CAMK4: variants seen among roughly 807,000 people sequenced by gnomAD.
CAMK4 encodes the protein calcium/calmodulin-dependent protein kinase type IV.
In CAMK4, 22 loss-of-function variants were observed where a neutral mutation model predicts 44.9. The ratio of observed to expected loss-of-function variants is 0.49; its 90% CI spans 0.35 to 0.70. The LOEUF is 0.70. Among genes scored for constraint, CAMK4 ranks in the 30% least tolerant of loss-of-function variants. CAMK4 has a pLI of 0.01. For synonymous variants in CAMK4, 218 were observed against 215.4 expected, an observed-to-expected ratio of 1.01 and a Z score of -0.11; for missense variants, 498 against 586.8, an observed-to-expected ratio of 0.85 and a Z score of 1.56.
intron 8 of CAMK4, among the ~76,000 whole-genome samples, chr5:111,475,971 A>T (rs1755221818): frequency 6.6e-6 from 1 of 152,194 alleles, no homozygotes; most frequent in Admixed American, 6.5e-5. Context: ...AGAACTAAAG[A>T]TCCATTTTGT....
At chr5:111,345,495 G>A (rs955338498) in intron 2 of CAMK4, among the ~76,000 whole-genome samples, 3 of 151,814 alleles carry the variant, frequency 2.0e-5, no homozygotes, top group African/African-American at 7.3e-5. Flanking sequence ...AAAATAAAAC[G>A]GCATATTTTA....
intron 1 of CAMK4, among the ~76,000 whole-genome samples, chr5:111,299,104 TGCCCTCGGCCTAG>T (rs1418125383): frequency 1.3e-5 from 2 of 152,224 alleles, no homozygotes; most frequent in African/African-American, 4.8e-5. Flanking sequence ...ACCTGGAAGA[TGCCCTCGGCCTAG>T]GAGGTGGAGT....
intron 5 of CAMK4, among the ~76,000 whole-genome samples, chr5:111,422,949 A>C (rs751027041): frequency 4.6e-5 from 7 of 152,082 alleles, no homozygotes; most frequent in Non-Finnish European, 8.8e-5. Context: ...ATTCATCTCT[A>C]TCTGTCATTC....
chr5:111,343,371 T>C (rs920195753), intron 1 of CAMK4, among the ~76,000 whole-genome samples: 2 of 151,782 alleles, frequency 1.3e-5, no homozygotes, highest in Non-Finnish European at 2.9e-5. Context: ...GTTTGGTCTA[T>C]ATTTCTCTTT....
At chr5:111,393,443 A>G (rs1297805504) in intron 4 of CAMK4, among the ~76,000 whole-genome samples, 1 of 152,072 alleles carries the variant, frequency 6.6e-6, no homozygotes, top group Non-Finnish European at 1.5e-5. Context: ...GTCTTTGGAG[A>G]TATTTCTCTG....
chr5:111,239,642 C>A (rs529504215), intron 1 of CAMK4, among the ~76,000 whole-genome samples: 10 of 152,272 alleles, frequency 6.6e-5, no homozygotes, highest in Non-Finnish European at 1.3e-4. Flanking sequence ...TTTCATTGAG[C>A]CTCAGCTTCT....
intron 1 of CAMK4, among the ~76,000 whole-genome samples, chr5:111,272,008 C>T (rs1270839026): frequency 6.6e-6 from 1 of 152,004 alleles, no homozygotes; most frequent in Non-Finnish European, 1.5e-5. Flanking sequence ...ATCTCCCAAC[C>T]CACCAACCCT....
Position 111,451,060 on chromosome 5 carries a change from T to C in CAMK4, c.625+1857T>C, listed in dbSNP as rs549528717. Among the ~76,000 whole-genome samples the C allele has an allele frequency of 7.9e-5, 12 of 152,310 alleles. No homozygotes were observed. The South Asian group carries it at 1.2e-3, about 16-fold the overall frequency. On this transcript the variant is annotated intron_variant, in intron 7 of 10. Transcript: ENST00000282356. The stretch of plus-strand genomic sequence containing the variant: ...GATAATATATTCATTGAAGCATATA[T>C]GTGATTAAATCCATAGAATTTTAGT...
At chr5:111,435,970 CCA>C (rs1191811164) in intron 5 of CAMK4, among the ~76,000 whole-genome samples, 5 of 152,082 alleles carry the variant, frequency 3.3e-5, no homozygotes, top group African/African-American at 1.2e-4. Flanking sequence ...ATAAATTGTT[CCA>C]GTTTTCTTTA....
chr5:111,315,170 A>G (rs78421315), intron 1 of CAMK4, among the ~76,000 whole-genome samples: 2,492 of 152,236 alleles, frequency 0.016, 66 homozygotes, highest in African/African-American at 0.057. Flanking sequence ...GAAGAAAAGT[A>G]TTAATGAAAA....
At chr5:111,273,697 A>ATATATT (rs1561377833) in intron 1 of CAMK4, among the ~76,000 whole-genome samples, 2 of 51,872 alleles carry the variant, frequency 3.9e-5, no homozygotes, top group Admixed American at 2.3e-4. Context: ...ATATATATAT[A>ATATATT]TATATATATA....
chr5:111,437,261 A>T (rs1363532445), intron 5 of CAMK4, among the ~76,000 whole-genome samples: 1 of 152,248 alleles, frequency 6.6e-6, no homozygotes, highest in Non-Finnish European at 1.5e-5. Context: ...CTATTTTAAT[A>T]TTTTAACTTC....
chr5:111,425,791 G>T (rs1753204661), intron 5 of CAMK4, among the ~76,000 whole-genome samples: 1 of 152,074 alleles, frequency 6.6e-6, no homozygotes, highest in South Asian at 2.1e-4. Context: ...AATGTATTAA[G>T]ATGCATTTAA....
At chr5:111,469,804 A>G (rs1304169885) in intron 7 of CAMK4, among the ~76,000 whole-genome samples, 1 of 152,214 alleles carries the variant, frequency 6.6e-6, no homozygotes, top group Non-Finnish European at 1.5e-5. Flanking sequence ...AATGATCAGT[A>G]ACACATCCTT....
chr5:111,405,471 C>T (rs1374262236), intron 5 of CAMK4, among the ~76,000 whole-genome samples: 1 of 150,826 alleles, frequency 6.6e-6, no homozygotes, highest in Admixed American at 6.6e-5. Context: ...CGTCTCAAAA[C>T]AAAACAAAAC....
intron 1 of CAMK4, among the ~76,000 whole-genome samples, chr5:111,263,628 C>T (rs1383197506): frequency 6.6e-6 from 1 of 152,160 alleles, no homozygotes; most frequent in African/African-American, 2.4e-5. Flanking sequence ...TGCTATAATC[C>T]ATTTTTAATA....
chr5:111,263,222 T>C (rs1750071826), intron 1 of CAMK4, among the ~76,000 whole-genome samples: 1 of 152,240 alleles, frequency 6.6e-6, no homozygotes, highest in African/African-American at 2.4e-5. Flanking sequence ...ATACCTATTA[T>C]GTGAAATATA....
intron 1 of CAMK4, among the ~76,000 whole-genome samples, chr5:111,227,316 T>G (rs1296938670): frequency 2.0e-5 from 3 of 152,228 alleles, no homozygotes; most frequent in Non-Finnish European, 2.9e-5. Flanking sequence ...GTCATCAGTT[T>G]CAAGCCTTTA....
At chr5:111,241,524 T>C (rs1247886707) in intron 1 of CAMK4, among the ~76,000 whole-genome samples, 1 of 152,168 alleles carries the variant, frequency 6.6e-6, no homozygotes, top group Non-Finnish European at 1.5e-5. Flanking sequence ...ACAGTTACTA[T>C]TTACCTCTTT....
Sources: allele counts gnomAD v4.1 joint callset (sites outside exome capture counted in the v4.1 genomes callset), GRCh38; gene constraint gnomAD v4.1.1; transcripts MANE v1.5; gene names NCBI Gene and HGNC (gene_info 2026-07-23, HGNC 2026-07-21).